Variants in TMEM132D observed in about 807,000 individuals in gnomAD.
The protein encoded by TMEM132D is mature OL transmembrane protein.
In TMEM132D, 21 loss-of-function variants were observed where a neutral mutation model predicts 62.3. The ratio of observed to expected loss-of-function variants is 0.34; its 90% CI spans 0.24 to 0.49. TMEM132D has a LOEUF of 0.49. Ranked by LOEUF, TMEM132D falls within the 20% of genes least tolerant of loss-of-function variation. The pLI is 0.99. For synonymous variants in TMEM132D, 621 were observed against 575.6 expected, an observed-to-expected ratio of 1.08 and a Z score of -1.13; for missense variants, 1,346 against 1,402.8, an observed-to-expected ratio of 0.96 and a Z score of 0.65.
chr12:129,114,447 T>G (rs1040771789), intron 5 of TMEM132D, among the ~76,000 whole-genome samples: 1 of 150,204 alleles, frequency 6.7e-6, no homozygotes, highest in Non-Finnish European at 1.5e-5. Context: ...CTCCCTCCCT[T>G]TTCTTTTCTC....
intron 1 of TMEM132D, among the ~76,000 whole-genome samples, chr12:129,860,417 G>A (rs1029245801): frequency 6.6e-6 from 1 of 152,206 alleles, no homozygotes; most frequent in Non-Finnish European, 1.5e-5. Flanking sequence ...CTTTTGTCCA[G>A]TAGAGATGGG....
rs117165306 is a variant in TMEM132D at position 129,593,545 on chromosome 12, G to A, written c.969-62340C>T. Reference sequence around the variant, plus strand: ...TGCTGAAAGTGGGTGGGGAGCAGGAGGCAGTAAAGATGTGAAGGGTGGGTT... The same window carrying A: ...TGCTGAAAGTGGGTGGGGAGCAGGAAGCAGTAAAGATGTGAAGGGTGGGTT... On this transcript the variant is annotated intron_variant, in intron 2 of 8. Transcript: ENST00000422113. 4.2e-3 allele frequency among the ~76,000 whole-genome samples: 640 copies of A among 152,276 alleles called. 10 individuals carry two copies. The highest frequency in any genetic ancestry group is 0.028 in the Admixed American group (431 of 15,292).
At chr12:129,495,914 A>G (rs1874939800) in intron 3 of TMEM132D, among the ~76,000 whole-genome samples, 1 of 152,168 alleles carries the variant, frequency 6.6e-6, no homozygotes, top group African/African-American at 2.4e-5. Flanking sequence ...AGTGATTCCA[A>G]AGTAATGGGG....
chr12:129,825,108 G>A (rs911023197), intron 1 of TMEM132D, among the ~76,000 whole-genome samples: 5 of 150,236 alleles, frequency 3.3e-5, no homozygotes, highest in East Asian at 2.0e-4. Flanking sequence ...CCACCTCCCC[G>A]GTTCAAGCTA....
intron 2 of TMEM132D, among the ~76,000 whole-genome samples, chr12:129,646,579 C>T (rs964544134): frequency 6.6e-6 from 1 of 152,096 alleles, no homozygotes; most frequent in Non-Finnish European, 1.5e-5. Context: ...GAGATAAATA[C>T]TCCTCCCAAA....
chr12:129,440,411 C>T (rs1246354184), intron 3 of TMEM132D, among the ~76,000 whole-genome samples: 4 of 152,234 alleles, frequency 2.6e-5, no homozygotes, highest in East Asian at 1.9e-4. Context: ...AGTGAAAAGA[C>T]GGCCATTCTG....
intron 5 of TMEM132D, among the ~76,000 whole-genome samples, chr12:129,086,807 G>T (rs1874636463): frequency 6.6e-6 from 1 of 151,326 alleles, no homozygotes; most frequent in Admixed American, 6.6e-5. Context: ...GTTATGAAAA[G>T]GTAACGTGTG....
intron 4 of TMEM132D, among the ~76,000 whole-genome samples, chr12:129,320,976 A>AT (rs779289997): frequency 0.027 from 4,127 of 151,208 alleles, 78 homozygotes; most frequent in Non-Finnish European, 0.038. Flanking sequence ...CTATCTATCT[A>AT]CCTACCTACC....
intron 2 of TMEM132D, among the ~76,000 whole-genome samples, chr12:129,611,475 A>C (rs576705779): frequency 2.6e-3 from 394 of 152,260 alleles, no homozygotes; most frequent in African/African-American, 9.0e-3. Flanking sequence ...TATTTTTCCC[A>C]GTTACTTCCT....
intron 2 of TMEM132D, among the ~76,000 whole-genome samples, chr12:129,580,693 A>G (rs1387534793): frequency 1.3e-5 from 2 of 150,276 alleles, no homozygotes; most frequent in Non-Finnish European, 2.9e-5. Context: ...ACAGGGTGAT[A>G]ATCCATCTCA....
At chr12:129,621,067 G>C (rs1879054148) in intron 2 of TMEM132D, among the ~76,000 whole-genome samples, 1 of 152,178 alleles carries the variant, frequency 6.6e-6, no homozygotes, top group Non-Finnish European at 1.5e-5. Context: ...GTTCCAAGTG[G>C]AGGTTGACAC....
At chr12:129,647,085 C>A (rs1269194750) in intron 2 of TMEM132D, among the ~76,000 whole-genome samples, 1 of 149,396 alleles carries the variant, frequency 6.7e-6, no homozygotes, top group Non-Finnish European at 1.5e-5. Flanking sequence ...CAGGGGTGAG[C>A]CACTGCGCCC....
intron 3 of TMEM132D, among the ~76,000 whole-genome samples, chr12:129,513,421 ATT>A (rs958336695): frequency 8.6e-5 from 13 of 151,558 alleles, no homozygotes; most frequent in African/African-American, 3.2e-4. Context: ...ATGGGGACCA[ATT>A]TTTTTTTAAT....
intron 5 of TMEM132D, among the ~76,000 whole-genome samples, chr12:129,166,688 TACACACACAC>T (rs199938469): frequency 9.6e-6 from 1 of 104,656 alleles, no homozygotes; most frequent in African/African-American, 3.2e-5. Context: ...TATATACACA[TACACACACAC>T]ACACACACAC....
chr12:129,643,376 A>T (rs909688386), intron 2 of TMEM132D, among the ~76,000 whole-genome samples: 3 of 152,194 alleles, frequency 2.0e-5, no homozygotes, highest in Non-Finnish European at 2.9e-5. Flanking sequence ...GCCTGCTTTG[A>T]CGAATAAAGT....
At chr12:129,888,808 A>C in intron 1 of TMEM132D, among the ~76,000 whole-genome samples, 1 of 152,088 alleles carries the variant, frequency 6.6e-6, no homozygotes, top group Admixed American at 6.5e-5. Flanking sequence ...TGTTTTCCAT[A>C]ATATAACTCT....
intron 3 of TMEM132D, among the ~76,000 whole-genome samples, chr12:129,495,178 T>C (rs1330469316): frequency 6.7e-6 from 1 of 149,082 alleles, no homozygotes; most frequent in Non-Finnish European, 1.5e-5. Context: ...ATACAAAAGC[T>C]TGGCTCATCT....
chr12:129,777,149 C>T (rs1010342996), intron 1 of TMEM132D, among the ~76,000 whole-genome samples: 5 of 152,082 alleles, frequency 3.3e-5, no homozygotes, highest in South Asian at 2.1e-4. Context: ...TTATTTCATA[C>T]GACATTTATT....
chr12:129,809,793 A>AT (rs1872114182), intron 1 of TMEM132D, among the ~76,000 whole-genome samples: 1 of 152,214 alleles, frequency 6.6e-6, no homozygotes, highest in African/African-American at 2.4e-5. Context: ...GATGAAAAGT[A>AT]GCAATGAGAG....
Sources: gnomAD v4.1 joint callset for allele counts (sites outside exome capture counted in the v4.1 genomes callset) on GRCh38, gnomAD v4.1.1 for gene constraint, MANE v1.5 for transcripts, NCBI Gene and HGNC (gene_info 2026-07-23, HGNC 2026-07-21) for gene names.